IL1RAPL2: variants seen among roughly 807,000 people sequenced by gnomAD.
IL1RAPL2 encodes the protein interleukin 1 receptor accessory protein like 2.
A neutral mutation model predicts 44.1 loss-of-function variants in IL1RAPL2; 3 were observed. The observed-to-expected ratio is 0.07, with a 90% CI of 0.03 to 0.18. The LOEUF (loss-of-function observed/expected upper bound fraction) is 0.18. IL1RAPL2 is among the 10% of genes least tolerant of loss of function. The pLI is 1.00. For missense variants in IL1RAPL2, 391 were observed against 496.4 expected (o/e 0.79, Z 2.02); for synonymous variants, 181 against 178.8 (o/e 1.01, Z -0.10).
chrX:104,669,433 T>C (rs992248301), intron 2 of IL1RAPL2, among the ~76,000 whole-genome samples: 1 of 111,281 alleles, frequency 9.0e-6, no homozygotes, highest in Admixed American at 9.7e-5. Flanking sequence ...AAAAGTCGCT[T>C]TTCTCCAGCA....
intron 2 of IL1RAPL2, among the ~76,000 whole-genome samples, chrX:104,998,735 C>T (rs2030795241): frequency 9.0e-6 from 1 of 111,218 alleles, no homozygotes; most frequent in Non-Finnish European, 1.9e-5. Context: ...CCACTGCACT[C>T]CAGTCTGGGT....
intron 2 of IL1RAPL2, among the ~76,000 whole-genome samples, chrX:104,843,712 A>C (rs759779485): frequency 9.2e-6 from 1 of 108,311 alleles, no homozygotes; most frequent in Non-Finnish European, 1.9e-5. Context: ...CTTGCTCTCC[A>C]TGAGTTGCAC....
chrX:105,156,112 T>C (rs764977119), intron 2 of IL1RAPL2, among the ~76,000 whole-genome samples: 1 of 111,921 alleles, frequency 8.9e-6, no homozygotes, highest in Admixed American at 9.4e-5. Flanking sequence ...ATGTTTTACC[T>C]CTACAGTGAG....
intron 2 of IL1RAPL2, among the ~76,000 whole-genome samples, chrX:104,908,935 G>C (rs1209997640): frequency 9.0e-6 from 1 of 111,009 alleles, no homozygotes; most frequent in Non-Finnish European, 1.9e-5. Flanking sequence ...ATCCTGCAGA[G>C]TGTTTTCCAA....
chrX:105,290,085 A>T (rs776209092), intron 5 of IL1RAPL2, among the ~76,000 whole-genome samples: 1 of 111,447 alleles, frequency 9.0e-6, no homozygotes, highest in Non-Finnish European at 1.9e-5. Context: ...CAGGATCTTG[A>T]TCTGACAGGA....
chrX:104,934,126 C>A (rs1569345646), intron 2 of IL1RAPL2, among the ~76,000 whole-genome samples: 1 of 111,482 alleles, frequency 9.0e-6, no homozygotes, highest in Non-Finnish European at 1.9e-5. Flanking sequence ...TGTTCACAAT[C>A]TTTTGTTAGG....
At chrX:104,639,754 A>G (rs1192609446) in intron 1 of IL1RAPL2, among the ~76,000 whole-genome samples, 1 of 111,467 alleles carries the variant, frequency 9.0e-6, no homozygotes, top group African/African-American at 3.3e-5. Flanking sequence ...TTTCTCCTTC[A>G]TTTATGAAGG....
intron 2 of IL1RAPL2, among the ~76,000 whole-genome samples, chrX:105,061,876 T>C (rs1017554438): frequency 8.9e-6 from 1 of 112,272 alleles, no homozygotes; most frequent in Non-Finnish European, 1.9e-5. Context: ...TTGGTTTTCA[T>C]TGGCATGGAA....
intron 9 of IL1RAPL2, among the ~76,000 whole-genome samples, chrX:105,751,450 T>A (rs2038597001): frequency 9.0e-6 from 1 of 111,489 alleles, no homozygotes; most frequent in Non-Finnish European, 1.9e-5. Context: ...GACTAACTGA[T>A]CAGTTGTAGT....
chrX:105,093,035 C>T (rs979285246), intron 2 of IL1RAPL2, among the ~76,000 whole-genome samples: 1 of 111,128 alleles, frequency 9.0e-6, no homozygotes, highest in Non-Finnish European at 1.9e-5. Context: ...TTCCTTTATT[C>T]CTTGAACCAT....
chrX:105,123,655 AT>A (rs199745632), intron 2 of IL1RAPL2, among the ~76,000 whole-genome samples: 17 of 110,741 alleles, frequency 1.5e-4, no homozygotes, highest in African/African-American at 2.6e-4. Flanking sequence ...ATTAAATAGT[AT>A]TTTTTTTGTG....
chrX:104,660,379 A>T (rs1304424494), intron 2 of IL1RAPL2, among the ~76,000 whole-genome samples: 1 of 109,488 alleles, frequency 9.1e-6, no homozygotes, highest in Non-Finnish European at 1.9e-5. Flanking sequence ...TGTCTGGAGC[A>T]GATCCGAAAG....
At chrX:105,051,759 C>A (rs963892475) in intron 2 of IL1RAPL2, among the ~76,000 whole-genome samples, 2 of 112,636 alleles carry the variant, frequency 1.8e-5, no homozygotes, top group African/African-American at 3.2e-5. Context: ...GCAGCCACTG[C>A]CATCAGTTTC....
At chrX:105,670,589 G>A (rs750994593) in intron 6 of IL1RAPL2, among the ~76,000 whole-genome samples, 5 of 102,665 alleles carry the variant, frequency 4.9e-5, no homozygotes, top group South Asian at 9.1e-4. Context: ...GTGAGCCACC[G>A]CGCCCGGCCA....
intron 4 of IL1RAPL2, among the ~76,000 whole-genome samples, chrX:105,258,798 A>T (rs763834377): frequency 1.8e-5 from 2 of 111,825 alleles, no homozygotes; most frequent in African/African-American, 6.5e-5. Context: ...GTTCATTCTT[A>T]TACCAGCTAT....
chrX:105,752,832 T>C (rs1468324590), intron 9 of IL1RAPL2: 1 of 288,289 alleles, frequency 3.5e-6, no homozygotes, highest in Non-Finnish European at 6.7e-6. Context: ...ATCCTAGAGC[T>C]TTTGGGACAT....
At chrX:104,701,158 T>G (rs1175301374) in intron 2 of IL1RAPL2, among the ~76,000 whole-genome samples, 1 of 111,911 alleles carries the variant, frequency 8.9e-6, no homozygotes, top group African/African-American at 3.3e-5. Context: ...AGCAGCAATT[T>G]TCACCTCAAA....
At chrX:105,400,611 A>G (rs2035599981) in intron 5 of IL1RAPL2, among the ~76,000 whole-genome samples, 1 of 111,681 alleles carries the variant, frequency 9.0e-6, no homozygotes, top group African/African-American at 3.2e-5. Flanking sequence ...TTTGATCCTA[A>G]TGCTGTTGGT....
At chrX:104,638,649 T>C (rs1438253594) in intron 1 of IL1RAPL2, among the ~76,000 whole-genome samples, 1 of 112,211 alleles carries the variant, frequency 8.9e-6, no homozygotes, top group Non-Finnish European at 1.9e-5. Flanking sequence ...TTAATATCCA[T>C]GTATTTGTAT....
Sources: allele counts gnomAD v4.1 joint callset (sites outside exome capture counted in the v4.1 genomes callset), GRCh38; gene constraint gnomAD v4.1.1; transcripts MANE v1.5; gene names NCBI Gene and HGNC (gene_info 2026-07-23, HGNC 2026-07-21).